The following ERICH6 variants were observed in gnomAD, a reference collection of about 807,000 sequenced individuals.
ERICH6 encodes glutamate rich 6, also known as glutamate-rich protein 6.
ERICH6 carries 71 observed loss-of-function variants against 71.0 expected under a neutral mutation model. That is an observed-to-expected ratio of 1.00 (90% CI 0.83 to 1.22). The LOEUF is 1.22. ERICH6 is among the 50% of genes most tolerant of loss of function. The probability of loss-of-function intolerance (pLI) is 0.00; values close to 1 mark genes in which losing one functional copy is unlikely to be tolerated. For missense variants in ERICH6, 808 were observed against 797.2 expected (o/e 1.01, Z -0.16); for synonymous variants, 262 against 278.4 (o/e 0.94, Z 0.59).
At chr3:150,673,579 TTTTGTTTG>T (rs757547490) in intron 11 of ERICH6, among the ~76,000 whole-genome samples, 3 of 152,044 alleles carry the variant, frequency 2.0e-5, no homozygotes, top group Non-Finnish European at 4.4e-5. Flanking sequence ...TTTTTCTGTG[TTTTGTTTG>T]TTTGTTTGTT....
At chr3:150,676,880 C>G (rs1035095176) in intron 10 of ERICH6, among the ~76,000 whole-genome samples, 1 of 151,742 alleles carries the variant, frequency 6.6e-6, no homozygotes, top group Admixed American at 6.6e-5. Context: ...ATGGCGCGAT[C>G]TTGGCTCACT....
At chr3:150,692,707 A>T (rs1368532957) in intron 3 of ERICH6, among the ~76,000 whole-genome samples, 1 of 152,156 alleles carries the variant, frequency 6.6e-6, no homozygotes, top group Non-Finnish European at 1.5e-5. Context: ...ATGTTAAATT[A>T]TTGTGTACCA....
At chr3:150,686,590 C>T (rs943107139) in intron 3 of ERICH6, among the ~76,000 whole-genome samples, 2 of 152,172 alleles carry the variant, frequency 1.3e-5, no homozygotes, top group Non-Finnish European at 2.9e-5. Flanking sequence ...TCCTAGAATA[C>T]AGTAGTCCCC....
intron 12 of ERICH6, among the ~76,000 whole-genome samples, chr3:150,668,277 C>T (rs1462335848): frequency 6.6e-6 from 1 of 152,148 alleles, no homozygotes; most frequent in Non-Finnish European, 1.5e-5. Context: ...CAAGGAATGT[C>T]TGTCAAGTAA....
chr3:150,702,137 C>T lies in ERICH6; in HGVS notation c.445G>A (p.Glu149Lys). ...TTTTCTTACCTATCTATACTCATTT[C>T]AGACATGTCTTTCCTAAATGTCTGA... ...IFQTFRKDMS[E>K]MSIDRNIHRN... The change falls in exon 2 of 14, where the codon GAA becomes AAA. Residue 149 changes from glutamate (E) to lysine (K), a missense_variant. By Grantham distance (56) the Glu-to-Lys change is moderately conservative (BLOSUM62 1). This residue lies in a region of ERICH6 where 736 missense variants were observed against 712.2 expected (regional missense o/e 1.03). Transcript: ENST00000295910. 1 of 1,578,686 alleles carries T rather than the reference C, an allele frequency of 6.3e-7. No homozygotes were observed.
At chr3:150,690,848 G>A (rs954931515) in intron 3 of ERICH6, among the ~76,000 whole-genome samples, 10 of 152,254 alleles carry the variant, frequency 6.6e-5, no homozygotes, top group Admixed American at 2.6e-4. Flanking sequence ...ATCTTTAATA[G>A]GTAAGACATT....
intron 10 of ERICH6, among the ~76,000 whole-genome samples, chr3:150,676,957 T>G (rs975142079): frequency 1.3e-5 from 2 of 151,984 alleles, no homozygotes; most frequent in East Asian, 3.9e-4. Flanking sequence ...GGATTACGGG[T>G]GCCTGCCACC....
chr3:150,689,543 T>C (rs1487770341), intron 3 of ERICH6, among the ~76,000 whole-genome samples: 1 of 152,194 alleles, frequency 6.6e-6, no homozygotes, highest in Non-Finnish European at 1.5e-5. Flanking sequence ...AGCTCAATGG[T>C]TAAAATTAGC....
chr3:150,687,703 C>A (rs1712256211), intron 3 of ERICH6, among the ~76,000 whole-genome samples: 3 of 152,250 alleles, frequency 2.0e-5, no homozygotes, highest in South Asian at 2.1e-4. Context: ...TGATGAAAAA[C>A]CAATCAGAGC....
chr3:150,680,950 C>T lies in ERICH6; in HGVS notation c.883-20G>A, dbSNP rs376155536. On this transcript the variant is annotated intron_variant, in intron 7 of 13. Coordinates refer to ENST00000295910, the MANE Select transcript of ERICH6 (RefSeq NM_152394.5). ...GGAGGCCTGGAAAACACAGAAGTTA[C>T]TCTCATCTCATTAGTCCTAGATGAG... is the stretch of plus-strand genomic sequence containing the variant. 1 of 1,596,558 alleles carries T rather than the reference C, an allele frequency of 6.3e-7. No homozygotes were observed. The highest frequency in any genetic ancestry group is 8.5e-7 in the Non-Finnish European group (1 of 1,172,604).
Position 150,700,241 on chromosome 3 carries a change from ATTTT to A in ERICH6, c.462-1363_462-1360del, listed in dbSNP as rs34624356. 2.2e-3 allele frequency among the ~76,000 whole-genome samples: 243 copies of A among 110,964 alleles called. 1 individual carries two copies. The highest frequency in any genetic ancestry group is 8.0e-3 in the African/African-American group (217 of 27,096). The allele number at this position is 110,964 out of a possible 152,430, so 72.8% of individuals were successfully genotyped here. A position where few individuals can be genotyped will look rare whatever the true frequency, so the allele number is the denominator to read the frequency against. On this transcript the variant is annotated intron_variant, in intron 2 of 13. Transcript: ENST00000295910. Reference sequence around the variant, plus strand: ...AGGCGTCCGCCACCATGCCCGGCTAATTTTTTTTTTTTTTTTTTTTTTTTTGTAT... The same window carrying A: ...AGGCGTCCGCCACCATGCCCGGCTAATTTTTTTTTTTTTTTTTTTTTGTAT...
intron 11 of ERICH6, among the ~76,000 whole-genome samples, chr3:150,671,596 T>G (rs1402386041): frequency 6.6e-6 from 1 of 152,204 alleles, no homozygotes; most frequent in Non-Finnish European, 1.5e-5. Context: ...TTCCAGAATT[T>G]CTAGCCCTAT....
At chr3:150,682,540 T>C (rs1220344327) in intron 6 of ERICH6, among the ~76,000 whole-genome samples, 2 of 152,156 alleles carry the variant, frequency 1.3e-5, no homozygotes, top group Non-Finnish European at 2.9e-5. Context: ...AGAGCAGAGT[T>C]GAGCCTATCA....
intron 7 of ERICH6, 97 bp from the exon 8 acceptor site, chr3:150,681,027 A>T: frequency 1.6e-6 from 2 of 1,260,638 alleles, no homozygotes. Context: ...ACAATCCATC[A>T]TAAGTTTTTA....
At chr3:150,700,756 GTA>G (rs776279558) in intron 2 of ERICH6, among the ~76,000 whole-genome samples, 1 of 152,100 alleles carries the variant, frequency 6.6e-6, no homozygotes, top group Non-Finnish European at 1.5e-5. Flanking sequence ...GCTAATTTTT[GTA>G]TTTTTAGTAG....
rs1282873412 is a variant in ERICH6, at chr3:150,698,902, G to A, written c.462-20C>T. 5.1e-6 allele frequency: 8 copies of A among 1,553,556 alleles called. No homozygotes were observed. The Middle Eastern group carries it at 5.1e-4, about 99-fold the overall frequency. Reference sequence around the variant, plus strand: ...ATATTTCTGAAATTTCGACAAAAATGTTTTGAGTATACCTATATAGTTGTT... The same window carrying A: ...ATATTTCTGAAATTTCGACAAAAATATTTTGAGTATACCTATATAGTTGTT... On this transcript the variant is annotated intron_variant, in intron 2 of 13. Transcript: ENST00000295910.
Position 150,703,879 on chromosome 3 carries a change from G to A in ERICH6, c.20C>T (p.Pro7Leu), listed in dbSNP as rs201978148. The change falls in exon 1 of 14, where the codon CCT (proline) becomes CTT (leucine). Residue 7 changes from proline (P) to leucine (L), a missense_variant. By Grantham distance (98) the Pro-to-Leu change is moderately conservative. This residue lies in a region of ERICH6 where 53 missense variants were observed against 40.6 expected (regional missense o/e 1.30). Coordinates refer to ENST00000295910, the MANE Select transcript of ERICH6 (RefSeq NM_152394.5). ...CTTCCCCGGGTCTCCGAAGCCGCTA[G>A]GCGAGCGCAAGTGGGCCATGGCTGG... Reference protein sequence around the residue: MAHLRSPSGFGDPGKKD... With the variant: MAHLRSLSGFGDPGKKD... 1,844 of 1,613,850 alleles carry A rather than the reference G, an allele frequency of 1.1e-3. 18 individuals carry two copies. Among genetic ancestry groups the A allele is most frequent in the Non-Finnish European group, 3.7e-4 (441 of 1,179,952 alleles).
intron 13 of ERICH6, among the ~76,000 whole-genome samples, chr3:150,666,154 T>C (rs1309228017): frequency 1.3e-5 from 2 of 152,220 alleles, no homozygotes; most frequent in Non-Finnish European, 2.9e-5. Context: ...TCCACGTTCT[T>C]AACCATCGTG....
chr3:150,678,118 T>C (rs1711732535), intron 10 of ERICH6, among the ~76,000 whole-genome samples: 1 of 152,216 alleles, frequency 6.6e-6, no homozygotes, highest in Admixed American at 6.5e-5. Context: ...TATTAATGTT[T>C]TGGGAGAAGT....
Sources: gnomAD v4.1 joint callset for allele counts (sites outside exome capture counted in the v4.1 genomes callset) on GRCh38, gnomAD v4.1.1 for gene constraint, gnomAD v4.1.1 regional missense constraint, MANE v1.5 for transcripts, NCBI Gene and HGNC (gene_info 2026-07-23, HGNC 2026-07-21) for gene names.